FAM178B: variants seen among roughly 807,000 people sequenced by gnomAD.
FAM178B encodes the protein protein FAM178B.
In FAM178B, 82 loss-of-function variants were observed where a neutral mutation model predicts 91.7. That is an observed-to-expected ratio of 0.89 (90% CI 0.75 to 1.07). FAM178B has a LOEUF of 1.07. FAM178B is among the 50% of genes least tolerant of loss of function. The probability of loss-of-function intolerance (pLI) is 0.00; values close to 1 mark genes in which losing one functional copy is unlikely to be tolerated. For synonymous variants in FAM178B, 368 were observed against 359.4 expected, an observed-to-expected ratio of 1.02 and a Z score of -0.27; for missense variants, 769 against 846.7, an observed-to-expected ratio of 0.91 and a Z score of 1.14.
At chr2:96,975,238 T>A (rs1559106987) in intron 1 of FAM178B, among the ~76,000 whole-genome samples, 1 of 152,060 alleles carries the variant, frequency 6.6e-6, no homozygotes, top group Non-Finnish European at 1.5e-5. Flanking sequence ...ATGTACAGTA[T>A]GTATAGTTAT....
chr2:96,950,118 C>A, intron 7 of FAM178B: 4 of 985,500 alleles, frequency 4.1e-6, no homozygotes, highest in Non-Finnish European at 4.8e-6. Flanking sequence ...AACCGACACG[C>A]CCCCGGGAAG....
chr2:96,906,190 TTTTC>T (rs1265886592), intron 12 of FAM178B, among the ~76,000 whole-genome samples: 2 of 148,698 alleles, frequency 1.3e-5, no homozygotes, highest in Non-Finnish European at 3.0e-5. Context: ...AGCCAATACT[TTTTC>T]TTTTTCTTTC....
At chr2:96,921,357 C>T (rs1226636079) in intron 11 of FAM178B, 95 bp from the exon 12 acceptor site, 12 of 1,503,618 alleles carry the variant, frequency 8.0e-6, no homozygotes, top group African/African-American at 4.2e-5. Flanking sequence ...TGGGCAGTCA[C>T]GGAGATCAGG....
intron 14 of FAM178B, among the ~76,000 whole-genome samples, chr2:96,887,814 T>A (rs1388883449): frequency 1.3e-5 from 2 of 151,430 alleles, no homozygotes; most frequent in African/African-American, 4.8e-5. Flanking sequence ...AGCTGATGAG[T>A]CACTTGCCTA....
chr2:96,946,466 C>T (rs1475688397), intron 8 of FAM178B, among the ~76,000 whole-genome samples: 1 of 152,176 alleles, frequency 6.6e-6, no homozygotes, highest in African/African-American at 2.4e-5. Flanking sequence ...CGACCCCAGG[C>T]ATGGAATTCT....
At chr2:96,974,757 T>C (rs997688470) in intron 1 of FAM178B, among the ~76,000 whole-genome samples, 3 of 151,886 alleles carry the variant, frequency 2.0e-5, no homozygotes, top group African/African-American at 7.3e-5. Context: ...AAACTTTAAG[T>C]CAAAAAGTAC....
chr2:96,986,436 G>A lies in FAM178B; in HGVS notation c.-123C>T, dbSNP rs1204199521. 2.1e-5 allele frequency: 26 copies of A among 1,220,026 alleles called. No homozygotes were observed. The highest frequency in any genetic ancestry group is 5.7e-4 in the Middle Eastern group (2 of 3,520). The allele number at this position is 1,220,026 out of a possible 1,614,324, so 75.6% of individuals were successfully genotyped here. On this transcript the variant is annotated 5_prime_UTR_variant, in exon 1 of 17. Transcript: ENST00000490605. The stretch of plus-strand genomic sequence containing the variant: ...AGGCTCCCCAGGCGGCGCAGTGGGA[G>A]GACCCCAAGAGTTGCGTCCCTAGAT...
chr2:96,876,278 A>G lies in FAM178B; in HGVS notation c.2038T>C (p.Ter680GlnextTer97). ...TGGGCTGCCCTGACCCTGTCCCTTT[A>G]GATGTCTTTCCAGGGGCTGAAATAC... is the stretch of plus-strand genomic sequence containing the variant. ...AQYFSPWKDI[*>Q] Residue 680 changes from the stop codon to glutamine, a stop_lost, in exon 17 of 17, where the codon TAA (stop) becomes CAA (glutamine). Coordinates refer to ENST00000490605, the MANE Select transcript of FAM178B (RefSeq NM_001122646.3). 12 of 1,608,416 alleles carry G rather than the reference A, an allele frequency of 7.5e-6. No homozygotes were observed. Among genetic ancestry groups the G allele is most frequent in the Non-Finnish European group, 1.0e-5 (12 of 1,178,264 alleles).
intron 13 of FAM178B, among the ~76,000 whole-genome samples, chr2:96,897,023 C>G (rs769128250): frequency 6.6e-6 from 1 of 152,210 alleles, no homozygotes; most frequent in Non-Finnish European, 1.5e-5. Context: ...GCCACCACCA[C>G]GTCCAGCTAA....
chr2:96,881,838 CATTTT>C (rs746297544), intron 14 of FAM178B, among the ~76,000 whole-genome samples: 2 of 152,106 alleles, frequency 1.3e-5, no homozygotes, highest in Non-Finnish European at 2.9e-5. Flanking sequence ...CTGTTAACCA[CATTTT>C]ATAAGTTGTT....
chr2:96,877,883 G>C lies in FAM178B; in HGVS notation c.2007+7C>G. 1 of 1,612,030 alleles carries C rather than the reference G, an allele frequency of 6.2e-7. No individual in the cohort carries two copies. Among genetic ancestry groups the C allele is most frequent in the Non-Finnish European group, 8.5e-7 (1 of 1,179,856 alleles). On this transcript the variant is annotated splice_region_variant and intron_variant, in intron 16 of 16. Coordinates refer to ENST00000490605, the MANE Select transcript of FAM178B (RefSeq NM_001122646.3). ...CTCCCAGGTCTGGGGGCTAGAGGGG[G>C]CACCACCTGGGGCTGGCAGTGGGTC...
At chr2:96,936,865 T>G (rs2081641583) in intron 8 of FAM178B, among the ~76,000 whole-genome samples, 1 of 151,646 alleles carries the variant, frequency 6.6e-6, no homozygotes, top group African/African-American at 2.4e-5. Context: ...CACACACCAT[T>G]TCTTGGGCAG....
At chr2:96,949,409 C>T (rs1303220360) in intron 7 of FAM178B, among the ~76,000 whole-genome samples, 1 of 152,188 alleles carries the variant, frequency 6.6e-6, no homozygotes, top group African/African-American at 2.4e-5. Flanking sequence ...ATTCTCCTTC[C>T]TGAGGAACCA....
chr2:96,962,684 A>T (rs1404995393), intron 5 of FAM178B, among the ~76,000 whole-genome samples: 1 of 152,212 alleles, frequency 6.6e-6, no homozygotes, highest in Non-Finnish European at 1.5e-5. Context: ...CCCCAGGCTC[A>T]GCACACACGC....
chr2:96,948,979 G>A (rs981991767), intron 7 of FAM178B, among the ~76,000 whole-genome samples: 19 of 152,132 alleles, frequency 1.2e-4, no homozygotes, highest in African/African-American at 3.4e-4. Flanking sequence ...GATGCCCTCC[G>A]GTCGGCATCT....
chr2:96,876,540 C>T (rs1283843541), intron 16 of FAM178B, among the ~76,000 whole-genome samples: 1 of 152,198 alleles, frequency 6.6e-6, no homozygotes, highest in Non-Finnish European at 1.5e-5. Flanking sequence ...AATCACTTTT[C>T]CTTCTTCTCG....
At chr2:96,879,388 C>CA (rs1559045281) in intron 14 of FAM178B, among the ~76,000 whole-genome samples, 1 of 152,180 alleles carries the variant, frequency 6.6e-6, no homozygotes, top group African/African-American at 2.4e-5. Context: ...AACCAGCCCA[C>CA]GGCCCCTGTG....
intron 6 of FAM178B, among the ~76,000 whole-genome samples, chr2:96,959,740 T>A (rs2082053870): frequency 6.6e-6 from 1 of 152,230 alleles, no homozygotes; most frequent in South Asian, 2.1e-4. Flanking sequence ...GGTAAATCTT[T>A]TAAAAATTCT....
At chr2:96,896,648 G>A (rs1455903126) in intron 13 of FAM178B, among the ~76,000 whole-genome samples, 6 of 152,194 alleles carry the variant, frequency 3.9e-5, no homozygotes, top group Non-Finnish European at 8.8e-5. Context: ...TGGCCACACA[G>A]CATGTTGCTC....
Sources: allele counts gnomAD v4.1 joint callset (sites outside exome capture counted in the v4.1 genomes callset), GRCh38; gene constraint gnomAD v4.1.1; transcripts MANE v1.5; gene names NCBI Gene and HGNC (gene_info 2026-07-23, HGNC 2026-07-21).